HMHB1: variants seen among roughly 807,000 people sequenced by gnomAD.
HMHB1 encodes the protein histocompatibility minor HB-1.
In HMHB1, 4 loss-of-function variants were observed where a neutral mutation model predicts 2.4. The observed-to-expected ratio is 1.65, with a 90% CI of 0.81 to 3.77. The LOEUF is 3.77. Among genes scored for constraint, HMHB1 ranks in the 30% most tolerant of loss-of-function variants. HMHB1 has a pLI of 0.01. For missense variants in HMHB1, 57 were observed against 44.2 expected (o/e 1.29, Z -0.82); for synonymous variants, 22 against 17.6 (o/e 1.25, Z -0.63).
chr5:143,816,256 G>C (rs1759748564), intron 1 of HMHB1, among the ~76,000 whole-genome samples: 2 of 152,018 alleles, frequency 1.3e-5, no homozygotes, highest in Admixed American at 6.5e-5. Flanking sequence ...TTGGTTACAT[G>C]AGTCAGTTCT....
chr5:143,816,611 G>A (rs535700604), intron 1 of HMHB1, among the ~76,000 whole-genome samples: 2 of 152,238 alleles, frequency 1.3e-5, no homozygotes, highest in East Asian at 3.9e-4. Flanking sequence ...TGATTAATGG[G>A]CATTCGTATT....
At chr5:143,813,799 T>C (rs1331588410) in intron 1 of HMHB1, among the ~76,000 whole-genome samples, 1 of 152,198 alleles carries the variant, frequency 6.6e-6, no homozygotes, top group Non-Finnish European at 1.5e-5. Flanking sequence ...AAGTAATAAA[T>C]ATGAACATAC....
chr5:143,812,336 G>A, intron 1 of HMHB1, 32 bp downstream of exon 1: 1 of 1,543,494 alleles, frequency 6.5e-7, no homozygotes, highest in Non-Finnish European at 8.8e-7. Flanking sequence ...AGAACAGAGA[G>A]AGAGGGAAAG....
At chr5:143,814,627 G>A (rs976178237) in intron 1 of HMHB1, among the ~76,000 whole-genome samples, 1 of 152,134 alleles carries the variant, frequency 6.6e-6, no homozygotes, top group African/African-American at 2.4e-5. Context: ...AAACTAATAT[G>A]CAAGGATGCT....
chr5:143,812,489 T>C (rs1759703332), intron 1 of HMHB1, among the ~76,000 whole-genome samples, 185 bp downstream of exon 1: 1 of 152,126 alleles, frequency 6.6e-6, no homozygotes, highest in South Asian at 2.1e-4. Context: ...GCGGATAGTT[T>C]CCAGTTGAGG....
intron 1 of HMHB1, among the ~76,000 whole-genome samples, chr5:143,814,156 C>A (rs984562704): frequency 1.3e-5 from 2 of 152,150 alleles, no homozygotes; most frequent in Non-Finnish European, 2.9e-5. Context: ...ATACTGAAAT[C>A]ACAACTGAGA....
At chr5:143,812,861 A>G (rs1759707686) in intron 1 of HMHB1, among the ~76,000 whole-genome samples, 1 of 152,168 alleles carries the variant, frequency 6.6e-6, no homozygotes, top group Admixed American at 6.5e-5. Context: ...AGCTTTCCCC[A>G]GTTTACAGAT....
intron 1 of HMHB1, 29 bp downstream of exon 1, chr5:143,812,333 A>G: frequency 6.5e-7 from 1 of 1,547,804 alleles, no homozygotes; most frequent in East Asian, 2.4e-5. Context: ...GGGAGAACAG[A>G]GAGAGAGGGA....
At chr5:143,819,810 A>T (rs371921494) in intron 1 of HMHB1, among the ~76,000 whole-genome samples, 12 of 152,146 alleles carry the variant, frequency 7.9e-5, no homozygotes, top group Admixed American at 6.5e-4. Flanking sequence ...TTCTTGGCTT[A>T]GTCATGGCAA....
rs1759701080 is a variant in HMHB1, at chr5:143,812,309, G to A, written c.37+5G>A. On this transcript the variant is annotated splice_donor_5th_base_variant and intron_variant, in intron 1 of 1. Transcript: ENST00000289448. ...AATGCAGAGAAGAAAAAAGAGGTGAGGGAGCGAGGAGGAGGGAGAACAGAG... is the reference window on the plus strand; with the variant it reads ...AATGCAGAGAAGAAAAAAGAGGTGAAGGAGCGAGGAGGAGGGAGAACAGAG... 6.4e-7 allele frequency: 1 copy of A among 1,551,516 alleles called. No homozygotes were observed.
Position 143,820,570 on chromosome 5 carries a change from A to T in HMHB1, c.*2A>T. The T allele has an allele frequency of 5.6e-6, 9 of 1,601,332 alleles. No homozygotes were observed. Among genetic ancestry groups the T allele is most frequent in the Non-Finnish European group, 7.7e-6 (9 of 1,168,672 alleles). On this transcript the variant is annotated 3_prime_UTR_variant, in exon 2 of 2. Coordinates refer to ENST00000289448, the MANE Select transcript of HMHB1 (RefSeq NM_021182.3). Reference sequence around the variant, plus strand: ...TCTTCCCTGACTTATAGGCTTTGACACTGCTGTTGAGGTTTGACTCGAAGC... The same window carrying T: ...TCTTCCCTGACTTATAGGCTTTGACTCTGCTGTTGAGGTTTGACTCGAAGC...
intron 1 of HMHB1, among the ~76,000 whole-genome samples, chr5:143,815,559 T>G (rs551966810): frequency 1.3e-5 from 2 of 152,020 alleles, no homozygotes; most frequent in Non-Finnish European, 1.5e-5. Context: ...TCTCGCTCTG[T>G]CGCCCAGGCT....
chr5:143,817,110 C>T (rs1256603134), intron 1 of HMHB1, among the ~76,000 whole-genome samples: 1 of 152,214 alleles, frequency 6.6e-6, no homozygotes, highest in Middle Eastern at 3.4e-3. Flanking sequence ...AGTCCTTAGT[C>T]CTTTGTCACA....
At chr5:143,815,833 A>C (rs1561937112) in intron 1 of HMHB1, among the ~76,000 whole-genome samples, 2 of 150,410 alleles carry the variant, frequency 1.3e-5, no homozygotes, top group Non-Finnish European at 2.9e-5. Context: ...CAGCCTCCCG[A>C]GTAGCTGGGA....
At chr5:143,812,367 A>C in intron 1 of HMHB1, 63 bp downstream of exon 1, 1 of 1,412,438 alleles carries the variant, frequency 7.1e-7, no homozygotes, top group Non-Finnish European at 9.8e-7. Context: ...GGGGCAGAGA[A>C]AATGAAAGAA....
intron 1 of HMHB1, among the ~76,000 whole-genome samples, chr5:143,813,090 T>C (rs1330798054): frequency 3.3e-5 from 5 of 152,096 alleles, no homozygotes; most frequent in Non-Finnish European, 7.3e-5. Context: ...CAACTGGAGG[T>C]CACTCAGCCT....
At chr5:143,814,047 C>T (rs1221375782) in intron 1 of HMHB1, among the ~76,000 whole-genome samples, 2 of 152,144 alleles carry the variant, frequency 1.3e-5, no homozygotes, top group Non-Finnish European at 1.5e-5. Flanking sequence ...TACTGACATG[C>T]ATTGAAGATA....
At chr5:143,819,516 TC>T (rs562477002) in intron 1 of HMHB1, among the ~76,000 whole-genome samples, 65 of 151,548 alleles carry the variant, frequency 4.3e-4, no homozygotes, top group Admixed American at 2.8e-3. Flanking sequence ...GAGCCTGTAA[TC>T]CCAGCTACTC....
chr5:143,818,017 AT>A (rs1387877522), intron 1 of HMHB1, among the ~76,000 whole-genome samples: 1 of 152,240 alleles, frequency 6.6e-6, no homozygotes, highest in Admixed American at 6.5e-5. Context: ...AATAGATTCA[AT>A]GCAATTCCAA....
Sources: allele counts gnomAD v4.1 joint callset (sites outside exome capture counted in the v4.1 genomes callset), GRCh38; gene constraint gnomAD v4.1.1; transcripts MANE v1.5; gene names NCBI Gene and HGNC (gene_info 2026-07-23, HGNC 2026-07-21).